SYT1: variants seen among roughly 807,000 people sequenced by gnomAD.
The protein encoded by SYT1 is synaptotagmin-1.
Under a neutral mutation model 44.8 loss-of-function variants are expected in SYT1, and 8 were observed. That is an observed-to-expected ratio of 0.18 (90% CI 0.10 to 0.32). The LOEUF is 0.32. Ranked by LOEUF, SYT1 falls within the 10% of genes least tolerant of loss-of-function variation. SYT1 has a pLI of 1.00. For synonymous variants in SYT1, 154 were observed against 188.8 expected (o/e 0.82, Z 1.51); for missense variants, 286 against 509.3 (o/e 0.56, Z 4.22).
At chr12:79,029,411 G>A (rs920888102) in intron 2 of SYT1, among the ~76,000 whole-genome samples, 12 of 149,732 alleles carry the variant, frequency 8.0e-5, no homozygotes, top group African/African-American at 2.4e-4. Flanking sequence ...TTGTAGTGCT[G>A]GAGCAAATAT....
intron 8 of SYT1, among the ~76,000 whole-genome samples, chr12:79,347,826 G>C (rs1882676734): frequency 1.3e-5 from 2 of 152,144 alleles, no homozygotes; most frequent in South Asian, 4.2e-4. Context: ...AGACAAAAAA[G>C]AAGCAGGGCA....
chr12:79,347,804 T>C (rs1022374512), intron 8 of SYT1, among the ~76,000 whole-genome samples: 1 of 152,080 alleles, frequency 6.6e-6, no homozygotes, highest in Non-Finnish European at 1.5e-5. Context: ...TGTCAAGTAA[T>C]GACGGGTGCT....
At chr12:79,429,964 CG>C (rs1458262718) in intron 9 of SYT1, among the ~76,000 whole-genome samples, 3 of 152,072 alleles carry the variant, frequency 2.0e-5, no homozygotes, top group Non-Finnish European at 4.4e-5. Context: ...AGGTTAATCA[CG>C]AATTTCCATT....
intron 3 of SYT1, among the ~76,000 whole-genome samples, chr12:79,158,819 C>T (rs1870767051): frequency 6.6e-6 from 1 of 151,936 alleles, no homozygotes; most frequent in Admixed American, 6.6e-5. Flanking sequence ...ATCACTTGAG[C>T]CCAGGAAGTC....
rs148770020 is a variant in SYT1, at chr12:79,152,576, A to G, written c.-17-64927A>G. Among the ~76,000 whole-genome samples, 11 of 152,300 alleles carry G rather than the reference A, an allele frequency of 7.2e-5. No individual in the cohort carries two copies. The East Asian group carries it at 1.7e-3, about 24-fold the overall frequency. ...TTATGTGAGGAATTATATATTCCTC[A>G]TATAATCTCATATTACCTAAATATT... On this transcript the variant is annotated intron_variant, in intron 3 of 10. Coordinates refer to ENST00000261205, the MANE Select transcript of SYT1 (RefSeq NM_005639.3).
At chr12:79,328,605 G>A (rs1390967543) in intron 8 of SYT1, among the ~76,000 whole-genome samples, 2 of 152,156 alleles carry the variant, frequency 1.3e-5, no homozygotes, top group East Asian at 3.9e-4. Context: ...CCAGCACTTT[G>A]GGAGGCTGAG....
chr12:78,940,680 A>T (rs1297277103), intron 1 of SYT1, among the ~76,000 whole-genome samples: 2 of 152,184 alleles, frequency 1.3e-5, no homozygotes, highest in African/African-American at 4.8e-5. Flanking sequence ...GAAACACTGC[A>T]CCTAGTCACT....
At chr12:78,904,913 T>C (rs1311895796) in intron 1 of SYT1, among the ~76,000 whole-genome samples, 1 of 152,204 alleles carries the variant, frequency 6.6e-6, no homozygotes, top group Non-Finnish European at 1.5e-5. Context: ...CAACTTTCAC[T>C]TAAATCCATT....
intron 4 of SYT1, among the ~76,000 whole-genome samples, chr12:79,249,118 G>T (rs1877031905): frequency 3.4e-4 from 3 of 8,936 alleles, no homozygotes; most frequent in South Asian, 2.0e-3. Flanking sequence ...TTTTTTTTGA[G>T]ACGGAGTCTC....
intron 1 of SYT1, among the ~76,000 whole-genome samples, chr12:78,948,526 T>A (rs1878790902): frequency 6.6e-6 from 1 of 152,040 alleles, no homozygotes; most frequent in East Asian, 1.9e-4. Context: ...TTCTATATAA[T>A]TCTATAAAAT....
At chr12:78,910,474 T>C (rs1876254392) in intron 1 of SYT1, among the ~76,000 whole-genome samples, 1 of 152,004 alleles carries the variant, frequency 6.6e-6, no homozygotes, top group Non-Finnish European at 1.5e-5. Flanking sequence ...TTAATTGATT[T>C]CTCAGCTCAT....
intron 8 of SYT1, among the ~76,000 whole-genome samples, chr12:79,323,163 G>C (rs1881448511): frequency 6.7e-6 from 1 of 148,722 alleles, no homozygotes; most frequent in East Asian, 2.0e-4. Context: ...TTTTTTGTAA[G>C]ACCTATCACA....
At chr12:79,349,338 G>T (rs1012514525) in intron 8 of SYT1, among the ~76,000 whole-genome samples, 1 of 152,128 alleles carries the variant, frequency 6.6e-6, no homozygotes, top group Non-Finnish European at 1.5e-5. Context: ...ACAGAAAGAT[G>T]TTGGAAAGAA....
At chr12:79,389,478 TAG>T (rs1884568857) in intron 9 of SYT1, among the ~76,000 whole-genome samples, 1 of 152,230 alleles carries the variant, frequency 6.6e-6, no homozygotes, top group South Asian at 2.1e-4. Context: ...AAGAATTTTA[TAG>T]AGAGTAGCCC....
chr12:79,291,942 G>T, intron 5 of SYT1, 66 bp from the exon 6 acceptor site: 1 of 1,597,254 alleles, frequency 6.3e-7, no homozygotes, highest in Non-Finnish European at 8.6e-7. Flanking sequence ...GTAACTACAG[G>T]CCCAGTTCAA....
intron 3 of SYT1, among the ~76,000 whole-genome samples, chr12:79,190,918 C>G (rs1873078850): frequency 6.6e-6 from 1 of 151,848 alleles, no homozygotes; most frequent in South Asian, 2.1e-4. Flanking sequence ...ATAATGAGAG[C>G]AGCTACTCAC....
chr12:79,094,237 T>A (rs1301725877), intron 3 of SYT1, among the ~76,000 whole-genome samples: 2 of 151,764 alleles, frequency 1.3e-5, no homozygotes, highest in Admixed American at 6.6e-5. Flanking sequence ...TTGTTAAAAA[T>A]TAAATTTATA....
intron 3 of SYT1, among the ~76,000 whole-genome samples, chr12:79,185,892 CA>C (rs1053005967): frequency 2.2e-5 from 2 of 89,784 alleles, no homozygotes; most frequent in African/African-American, 4.4e-5. Flanking sequence ...CATTTTTGGC[CA>C]AAAAAATATT....
chr12:79,308,606 GAAAGAA>G (rs56676070), intron 8 of SYT1, among the ~76,000 whole-genome samples: 10,771 of 81,070 alleles, frequency 0.13, 552 homozygotes, highest in East Asian at 0.25. Flanking sequence ...AAGAAAGAAA[GAAAGAA>G]AAAGAAAGAA....
Sources: gnomAD v4.1 joint callset for allele counts (sites outside exome capture counted in the v4.1 genomes callset) on GRCh38, gnomAD v4.1.1 for gene constraint, MANE v1.5 for transcripts, NCBI Gene and HGNC (gene_info 2026-07-23, HGNC 2026-07-21) for gene names.